ADGB: variants seen among roughly 807,000 people sequenced by gnomAD.
ADGB encodes the protein androglobin, also known as calpain-7-like protein.
In ADGB, 172 loss-of-function variants were observed where a neutral mutation model predicts 210.5. The observed-to-expected ratio is 0.82, with a 90% confidence interval of 0.72 to 0.93. The LOEUF (loss-of-function observed/expected upper bound fraction) is 0.93, where lower values mean the gene tolerates loss of function less well. ADGB is among the 40% of genes least tolerant of loss of function. The pLI is 0.00. For synonymous variants in ADGB, 658 were observed against 662.7 expected (o/e 0.99, Z 0.11); for missense variants, 2,025 against 1,964.8 (o/e 1.03, Z -0.58).
At chr6:146,790,117 G>A (rs1562301796) in intron 33 of ADGB, among the ~76,000 whole-genome samples, 1 of 152,000 alleles carries the variant, frequency 6.6e-6, no homozygotes, top group Admixed American at 6.6e-5. Context: ...TACATGTATA[G>A]GTTATGGAAT....
chr6:146,814,007 ATC>A (rs66509057), intron 35 of ADGB, among the ~76,000 whole-genome samples: 24 of 99,050 alleles, frequency 2.4e-4, no homozygotes, highest in African/African-American at 5.5e-4. Context: ...TCTCCTTAAA[ATC>A]TCTCTCTCCT....
chr6:146,723,161 A>C (rs1776845640), intron 17 of ADGB, among the ~76,000 whole-genome samples: 3 of 152,196 alleles, frequency 2.0e-5, no homozygotes, highest in African/African-American at 7.2e-5. Flanking sequence ...TAGTGATCTA[A>C]ATTTAGTGCA....
chr6:146,685,723 T>A lies in ADGB; in HGVS notation c.1217-11T>A. 1 of 1,469,582 alleles carries A rather than the reference T, an allele frequency of 6.8e-7. No homozygotes were observed. Among genetic ancestry groups the A allele is most frequent in the South Asian group, 1.3e-5 (1 of 74,238 alleles). The allele number at this position is 1,469,582 out of a possible 1,614,324, so 91.0% of individuals were successfully genotyped here. On this transcript the variant is annotated splice_polypyrimidine_tract_variant and intron_variant, in intron 9 of 35. Transcript: ENST00000397944. ...AGAATTTTCACAACATAATGTATGT[T>A]TGTTTTACAGGTTCTTCTGCAATAC...
intron 35 of ADGB, among the ~76,000 whole-genome samples, chr6:146,805,765 A>G (rs1778203642): frequency 1.3e-5 from 2 of 152,114 alleles, no homozygotes; most frequent in Non-Finnish European, 2.9e-5. Context: ...TATTAGAGAG[A>G]TCTTCACCAG....
intron 23 of ADGB, among the ~76,000 whole-genome samples, chr6:146,738,270 A>C (rs1176934386): frequency 6.6e-6 from 1 of 152,074 alleles, no homozygotes; most frequent in Non-Finnish European, 1.5e-5. Context: ...CACTGTAAAC[A>C]TTGGTATTGT....
intron 3 of ADGB, among the ~76,000 whole-genome samples, chr6:146,651,221 C>T (rs1330942787): frequency 1.3e-5 from 2 of 152,182 alleles, no homozygotes; most frequent in Non-Finnish European, 2.9e-5. Context: ...TGGCCCCTGC[C>T]CTGCCTGGTA....
At chr6:146,767,831 TA>T (rs1777598945) in intron 28 of ADGB, among the ~76,000 whole-genome samples, 1 of 152,184 alleles carries the variant, frequency 6.6e-6, no homozygotes, top group African/African-American at 2.4e-5. Flanking sequence ...TGGTTTGTGC[TA>T]AAGCAGGACT....
chr6:146,621,985 A>G (rs7774543), intron 1 of ADGB, among the ~76,000 whole-genome samples: 5,512 of 152,216 alleles, frequency 0.036, 321 homozygotes, highest in African/African-American at 0.12. Context: ...GCAAAATTCT[A>G]TATTTTACAT....
At chr6:146,634,939 A>G (rs1195291621) in intron 1 of ADGB, among the ~76,000 whole-genome samples, 2 of 148,774 alleles carry the variant, frequency 1.3e-5, no homozygotes, top group Admixed American at 1.4e-4. Flanking sequence ...AGAAATATTA[A>G]CAATATGCTG....
chr6:146,682,528 C>G (rs1776171546), intron 9 of ADGB, among the ~76,000 whole-genome samples: 4 of 152,006 alleles, frequency 2.6e-5, no homozygotes. Context: ...AATTATTAAG[C>G]ATTATTATAT....
intron 33 of ADGB, among the ~76,000 whole-genome samples, chr6:146,789,852 C>T (rs1034071238): frequency 3.9e-5 from 6 of 152,162 alleles, no homozygotes; most frequent in African/African-American, 1.4e-4. Context: ...GAAACTGATG[C>T]AGTTTGGCTA....
chr6:146,736,202 G>A (rs1011078275), intron 22 of ADGB, among the ~76,000 whole-genome samples: 3 of 152,132 alleles, frequency 2.0e-5, no homozygotes, highest in Non-Finnish European at 2.9e-5. Flanking sequence ...AAGTTTTAGT[G>A]TGACAGAGGT....
At chr6:146,605,263 C>T (rs1780615672) in intron 1 of ADGB, among the ~76,000 whole-genome samples, 1 of 152,038 alleles carries the variant, frequency 6.6e-6, no homozygotes, top group Non-Finnish European at 1.5e-5. Flanking sequence ...CTTGGTCCTC[C>T]TGATGATAGT....
intron 29 of ADGB, among the ~76,000 whole-genome samples, chr6:146,778,061 G>A (rs1391684163): frequency 6.6e-6 from 1 of 152,170 alleles, no homozygotes; most frequent in Non-Finnish European, 1.5e-5. Context: ...AGCACGAGGT[G>A]AAAATAACGA....
intron 12 of ADGB, among the ~76,000 whole-genome samples, chr6:146,700,344 C>T (rs1309141265): frequency 1.3e-5 from 2 of 152,122 alleles, no homozygotes; most frequent in Non-Finnish European, 2.9e-5. Context: ...TTTTACAGAT[C>T]ACTAACTGGA....
Position 146,664,245 on chromosome 6 carries a change from T to A in ADGB, c.657T>A (p.Asp219Glu), listed in dbSNP as rs1338638015. 2 of 1,549,118 alleles carry A rather than the reference T, an allele frequency of 1.3e-6. No individual in the cohort carries two copies. The highest frequency in any genetic ancestry group is 1.7e-6 in the Non-Finnish European group (2 of 1,145,730). The change falls in exon 6 of 36, where the codon GAT becomes GAA. Residue 219 changes from aspartate (D) to glutamate (E), a missense_variant. Transcript: ENST00000397944. ...KITIDDFLPF[D>E]EDNNLLLPAT... ...CAATTGATGACTTTTTGCCTTTTGA[T>A]GAAGATAACAATCTATTGCTTCCAG...
chr6:146,803,218 T>A, intron 35 of ADGB: 1 of 1,537,020 alleles, frequency 6.5e-7, no homozygotes, highest in Non-Finnish European at 9.0e-7. Context: ...ACATTCAATC[T>A]CATATTCCTG....
intron 8 of ADGB, among the ~76,000 whole-genome samples, chr6:146,672,727 CTT>C (rs58547170): frequency 7.1e-4 from 101 of 142,822 alleles, no homozygotes; most frequent in Non-Finnish European, 1.1e-3. Flanking sequence ...GTTTTTCTTT[CTT>C]TTTTTTTTTT....
chr6:146,752,350 C>T (rs1354582445), intron 26 of ADGB, among the ~76,000 whole-genome samples, 180 bp from the exon 27 acceptor site: 1 of 152,066 alleles, frequency 6.6e-6, no homozygotes, highest in Non-Finnish European at 1.5e-5. Flanking sequence ...TGGTGCTAAA[C>T]TATTCGTGAG....
Sources: allele counts gnomAD v4.1 joint callset (sites outside exome capture counted in the v4.1 genomes callset), GRCh38; gene constraint gnomAD v4.1.1; transcripts MANE v1.5; gene names NCBI Gene and HGNC (gene_info 2026-07-23, HGNC 2026-07-21).